Variants in ADAMTS20 observed in about 807,000 individuals in gnomAD.
ADAMTS20 encodes A disintegrin and metalloproteinase with thrombospondin motifs 20.
ADAMTS20 carries 225 observed loss-of-function variants against 260.1 expected under a neutral mutation model. That is an observed-to-expected ratio of 0.87 (90% CI 0.78 to 0.97). ADAMTS20 has a LOEUF of 0.97. ADAMTS20 is among the 50% of genes least tolerant of loss of function. The pLI is 0.00. For missense variants in ADAMTS20, 2,400 were observed against 2,337.7 expected, an observed-to-expected ratio of 1.03 and a Z score of -0.55; for synonymous variants, 802 against 769.5, an observed-to-expected ratio of 1.04 and a Z score of -0.70.
chr12:43,431,416 G>A lies in ADAMTS20; in HGVS notation c.3177C>T (p.Phe1059=). Residue 1059 remains phenylalanine, a synonymous_variant, in exon 22 of 39, where the codon TTC becomes TTT. Coordinates refer to ENST00000389420, the MANE Select transcript of ADAMTS20 (RefSeq NM_025003.5). The stretch of plus-strand genomic sequence containing the variant: ...ATTCAGGTTTGGTACTTGAATTACA[G>A]AAGCCATCACTCAAGTGATCTACAT... ...QLNVDHLSDG[F]CNSSTKPESL... 6.2e-7 allele frequency: 1 copy of A among 1,613,976 alleles called. No homozygotes were observed. Among genetic ancestry groups the A allele is most frequent in the East Asian group, 2.2e-5 (1 of 44,882 alleles).
At chr12:43,538,387 T>G (rs2137516102) in intron 2 of ADAMTS20, among the ~76,000 whole-genome samples, 1 of 152,348 alleles carries the variant, frequency 6.6e-6, no homozygotes, top group East Asian at 1.9e-4. Context: ...CCTATAAAGT[T>G]GTTTGAACTC....
Position 43,524,168 on chromosome 12 carries a change from G to T in ADAMTS20, c.613+7868C>A. 1.4e-5 allele frequency among the ~76,000 whole-genome samples: 2 copies of T among 147,502 alleles called. 1 individual carries two copies. The highest frequency in any genetic ancestry group is 3.0e-5 in the Non-Finnish European group (2 of 67,156). On this transcript the variant is annotated intron_variant, in intron 3 of 38. Coordinates refer to ENST00000389420, the MANE Select transcript of ADAMTS20 (RefSeq NM_025003.5). ...ACCTTGGCTAATCAGGAGGTCCTGA[G>T]CCTGTCCAAACTTGTTCAAACACTG...
chr12:43,414,346 C>T (rs1941089887), intron 28 of ADAMTS20, among the ~76,000 whole-genome samples: 1 of 152,070 alleles, frequency 6.6e-6, no homozygotes, highest in African/African-American at 2.4e-5. Flanking sequence ...CTACTTAATG[C>T]AAAGAAATAG....
At chr12:43,535,648 C>T (rs1021418582) in intron 2 of ADAMTS20, among the ~76,000 whole-genome samples, 8 of 151,924 alleles carry the variant, frequency 5.3e-5, no homozygotes, top group Non-Finnish European at 1.0e-4. Flanking sequence ...TATTAGTCTG[C>T]CATTAGATCA....
At chr12:43,379,938 C>T (rs1230019568) in intron 31 of ADAMTS20, among the ~76,000 whole-genome samples, 1 of 151,878 alleles carries the variant, frequency 6.6e-6, no homozygotes, top group Non-Finnish European at 1.5e-5. Context: ...GGAGCACTGC[C>T]TAACTCATCC....
Position 43,428,815 on chromosome 12 carries a change from A to G in ADAMTS20, c.3490-16T>C. ...ATACGGAGCACTTTTTAAGAAATCA[A>G]ATTGTATCCGGGCATTATACAGTAG... is the stretch of plus-strand genomic sequence containing the variant. On this transcript the variant is annotated splice_polypyrimidine_tract_variant and intron_variant, in intron 24 of 38. Coordinates refer to ENST00000389420, the MANE Select transcript of ADAMTS20 (RefSeq NM_025003.5). The G allele has an allele frequency of 3.1e-6, 5 of 1,589,038 alleles. No homozygotes were observed. Among genetic ancestry groups the G allele is most frequent in the Non-Finnish European group, 3.4e-6 (4 of 1,165,266 alleles).
At chr12:43,440,335 G>C (rs977286110) in intron 16 of ADAMTS20, among the ~76,000 whole-genome samples, 1 of 152,032 alleles carries the variant, frequency 6.6e-6, no homozygotes, top group South Asian at 2.1e-4. Context: ...TTTTAGTAGA[G>C]ACGGGGTTTT....
chr12:43,393,247 TATAAGC>T (rs1264440760), intron 29 of ADAMTS20, among the ~76,000 whole-genome samples: 2 of 152,064 alleles, frequency 1.3e-5, no homozygotes, highest in East Asian at 3.8e-4. Context: ...ATAGAACTAA[TATAAGC>T]ATGTCAAATT....
rs753317044 is a variant in ADAMTS20, at chr12:43,432,698, T to A, written c.2834A>T (p.Asp945Val). The A allele has an allele frequency of 6.2e-7, 1 of 1,613,892 alleles. No individual in the cohort carries two copies. Among genetic ancestry groups the A allele is most frequent in the African/African-American group, 1.3e-5 (1 of 75,056 alleles). Residue 945 changes from aspartate to valine, a missense_variant, in exon 20 of 39, where the codon GAT becomes GTT. By Grantham distance (152) the Asp-to-Val change is radical. Transcript: ENST00000389420. ...SIHEGQTVQVDDHYCGDQLKP... is the reference protein window; with the variant it reads ...SIHEGQTVQVVDHYCGDQLKP... ...AAGCTGGTCACCACAGTAGTGGTCA[T>A]CAACTTGAACAGTCTGTCCTTCATG...
chr12:43,545,826 T>C (rs1272677614), intron 2 of ADAMTS20, among the ~76,000 whole-genome samples: 2 of 152,090 alleles, frequency 1.3e-5, no homozygotes. Context: ...TACACAGCTC[T>C]CCAAGCTCTC....
chr12:43,515,764 C>T (rs1379614037), intron 3 of ADAMTS20, among the ~76,000 whole-genome samples: 2 of 152,092 alleles, frequency 1.3e-5, no homozygotes, highest in South Asian at 2.1e-4. Flanking sequence ...ATTCACATGG[C>T]TTTTGTCAGC....
chr12:43,492,418 AC>A, intron 6 of ADAMTS20, 86 bp downstream of exon 6: 88 of 1,462,922 alleles, frequency 6.0e-5, no homozygotes, highest in Non-Finnish European at 7.5e-5. Context: ...CAAAAACAAA[AC>A]AAAAAAAAGA....
chr12:43,454,909 C>G (rs747207456), intron 11 of ADAMTS20, among the ~76,000 whole-genome samples: 5 of 152,126 alleles, frequency 3.3e-5, no homozygotes, highest in Non-Finnish European at 5.9e-5. Flanking sequence ...GCAAAACATG[C>G]ATAACATAAA....
At chr12:43,410,074 G>A (rs551480598) in intron 28 of ADAMTS20, among the ~76,000 whole-genome samples, 1 of 152,210 alleles carries the variant, frequency 6.6e-6, no homozygotes, top group African/African-American at 2.4e-5. Flanking sequence ...TCAGTTCCAG[G>A]TTTGCACAGA....
chr12:43,360,951 T>C (rs1501438), intron 37 of ADAMTS20, among the ~76,000 whole-genome samples: 33,686 of 152,200 alleles, frequency 0.22, 4,417 homozygotes, highest in African/African-American at 0.35. Flanking sequence ...TTTATGTAAT[T>C]ACCAACCAGT....
chr12:43,425,579 C>T lies in ADAMTS20; in HGVS notation c.4219G>A (p.Val1407Ile), dbSNP rs747329081. ...NCEIVNKPPSVIQCHMHACPA... is the reference protein window; with the variant it reads ...NCEIVNKPPSIIQCHMHACPA... ...CAAGCATGCATATGACACTGTATTA[C>T]GCTAGGTGGCTTGTTTACAATTTCA... Residue 1407 changes from valine (V) to isoleucine (I), a missense_variant, in exon 28 of 39, where the codon GTA becomes ATA. By Grantham distance (29) the Val-to-Ile change is conservative. Coordinates refer to ENST00000389420, the MANE Select transcript of ADAMTS20 (RefSeq NM_025003.5). 2.9e-5 allele frequency: 46 copies of T among 1,608,920 alleles called. No individual in the cohort carries two copies. Among genetic ancestry groups the T allele is most frequent in the East Asian group, 1.6e-4 (7 of 44,710 alleles).
chr12:43,489,737 C>T (rs1483733954), intron 7 of ADAMTS20, among the ~76,000 whole-genome samples: 2 of 151,354 alleles, frequency 1.3e-5, no homozygotes, highest in African/African-American at 2.4e-5. Context: ...AGGGATATAC[C>T]CTAGCTCTTC....
chr12:43,403,072 A>G (rs1177571696), intron 28 of ADAMTS20, among the ~76,000 whole-genome samples: 2 of 152,156 alleles, frequency 1.3e-5, no homozygotes, highest in South Asian at 4.1e-4. Context: ...AGATCTTTAG[A>G]GTTGTTCTAG....
At chr12:43,375,351 G>T (rs557791473) in intron 36 of ADAMTS20, 28 bp downstream of exon 36, 32 of 1,599,692 alleles carry the variant, frequency 2.0e-5, no homozygotes, top group South Asian at 1.3e-4. Flanking sequence ...GAGGCTTTTT[G>T]ATTTTAAAAT....
Sources: allele counts gnomAD v4.1 joint callset (sites outside exome capture counted in the v4.1 genomes callset), GRCh38; gene constraint gnomAD v4.1.1; transcripts MANE v1.5; gene names NCBI Gene and HGNC (gene_info 2026-07-23, HGNC 2026-07-21).